P2RX3: variants seen among roughly 807,000 people sequenced by gnomAD.
The protein encoded by P2RX3 is P2X purinoceptor 3.
In P2RX3, 41 loss-of-function variants were observed where a neutral mutation model predicts 51.5. That is an observed-to-expected ratio of 0.80 (90% confidence interval 0.62 to 1.03). The LOEUF is 1.03. Among genes scored for constraint, P2RX3 ranks in the 50% least tolerant of loss-of-function variants. P2RX3 has a pLI of 0.00. For synonymous variants in P2RX3, 185 were observed against 191.6 expected (o/e 0.97, Z 0.29); for missense variants, 459 against 522.1 (o/e 0.88, Z 1.18).
chr11:57,363,987 A>G (rs773052671), intron 8 of P2RX3, among the ~76,000 whole-genome samples: 2 of 152,212 alleles, frequency 1.3e-5, no homozygotes, highest in Non-Finnish European at 2.9e-5. Flanking sequence ...TGTTCCCTTC[A>G]CATTCCTTCC....
intron 8 of P2RX3, 40 bp downstream of exon 8, chr11:57,350,938 C>T (rs376638991): frequency 1.9e-6 from 3 of 1,613,262 alleles, no homozygotes; most frequent in African/African-American, 2.7e-5. Flanking sequence ...GAAGAAGGTG[C>T]GGGCTGTTAA....
intron 8 of P2RX3, among the ~76,000 whole-genome samples, chr11:57,359,924 A>G (rs1347115088): frequency 2.0e-5 from 3 of 152,178 alleles, no homozygotes; most frequent in Non-Finnish European, 4.4e-5. Context: ...TTCACATTCC[A>G]TAGTCATTTA....
intron 8 of P2RX3, among the ~76,000 whole-genome samples, chr11:57,355,005 AGAGCTGT>A (rs1197342113): frequency 6.6e-6 from 1 of 152,234 alleles, no homozygotes; most frequent in African/African-American, 2.4e-5. Context: ...GGAGACGGAC[AGAGCTGT>A]GAGCAGAGGA....
intron 3 of P2RX3, 97 bp from the exon 4 acceptor site, chr11:57,347,318 C>T (rs1415805098): frequency 2.0e-6 from 3 of 1,482,960 alleles, no homozygotes; most frequent in East Asian, 2.4e-5. Context: ...GACCTCCACC[C>T]TCCTGAGGCT....
chr11:57,365,291 A>C (rs1856781618), intron 8 of P2RX3, among the ~76,000 whole-genome samples: 1 of 152,234 alleles, frequency 6.6e-6, no homozygotes, highest in Non-Finnish European at 1.5e-5. Flanking sequence ...TAACCAGGCC[A>C]GTGAAGGGCC....
chr11:57,362,851 G>A lies in P2RX3; in HGVS notation c.843-5158G>A, dbSNP rs113058675. 7.2e-3 allele frequency among the ~76,000 whole-genome samples: 1,093 copies of A among 152,228 alleles called. 16 individuals are homozygous for A. Among genetic ancestry groups the A allele is most frequent in the African/African-American group, 0.024 (1,016 of 41,534 alleles). On this transcript the variant is annotated intron_variant, in intron 8 of 11. Transcript: ENST00000263314. ...AAGCATAAGCACTTAGCACAGTGTC[G>A]GGTCACAGAGGAGTACTCAGTAGAT... is the stretch of plus-strand genomic sequence containing the variant.
At chr11:57,368,137 G>T in intron 9 of P2RX3, 35 bp downstream of exon 9, 1 of 1,592,278 alleles carries the variant, frequency 6.3e-7, no homozygotes, top group South Asian at 1.1e-5. Flanking sequence ...GGGTGGACAG[G>T]GGAGGCAGCC....
intron 8 of P2RX3, among the ~76,000 whole-genome samples, chr11:57,362,514 G>A (rs144093947): frequency 6.6e-6 from 1 of 152,188 alleles, no homozygotes; most frequent in Non-Finnish European, 1.5e-5. Context: ...CAGGCTTCCT[G>A]TTCTGCTCCC....
chr11:57,349,434 C>G (rs34717493), intron 6 of P2RX3, among the ~76,000 whole-genome samples: 130 of 152,070 alleles, frequency 8.5e-4, no homozygotes, highest in African/African-American at 3.1e-3. Context: ...CCACCGCGCT[C>G]CAGCCTGGGC....
upstream of P2RX3, among the ~76,000 whole-genome samples, chr11:57,337,292 A>C (rs1856242961): frequency 7.4e-6 from 1 of 135,170 alleles, no homozygotes; most frequent in Non-Finnish European, 1.6e-5. Context: ...ACTCTGTCAA[A>C]AAAAAAAAAA....
chr11:57,340,288 C>G (rs558688434), intron 1 of P2RX3, among the ~76,000 whole-genome samples: 1 of 152,362 alleles, frequency 6.6e-6, no homozygotes, highest in African/African-American at 2.4e-5. Flanking sequence ...CGCTCAGCCC[C>G]CACTGCCCTT....
chr11:57,358,788 A>C (rs2134436508), intron 8 of P2RX3, among the ~76,000 whole-genome samples: 1 of 152,340 alleles, frequency 6.6e-6, no homozygotes, highest in South Asian at 2.1e-4. Context: ...CCTGCCCTGC[A>C]GAAGCGCATC....
At position 57,347,479 on chromosome 11, in the gene P2RX3, G is replaced by T. The variant is rs1159603088; in HGVS notation, c.391+1G>T. On this transcript the variant is annotated splice_donor_variant, in intron 4 of 11. Transcript: ENST00000263314. LOFTEE classifies it high-confidence loss of function. ...GGGCCTGAGCGCTTGCCAGGTGGGG[G>T]TGAGTCCAGCCCCTTACCCACCCCA... 1 of 1,555,022 alleles carries T rather than the reference G, an allele frequency of 6.4e-7. No individual in the cohort carries two copies. Among genetic ancestry groups the T allele is most frequent in the East Asian group, 2.4e-5 (1 of 41,204 alleles).
chr11:57,356,928 C>G (rs1016396923), intron 8 of P2RX3, among the ~76,000 whole-genome samples: 3 of 152,164 alleles, frequency 2.0e-5, no homozygotes, highest in Non-Finnish European at 4.4e-5. Context: ...CAGTATTATT[C>G]ATAGAAAATA....
chr11:57,358,950 T>A (rs1340027711), intron 8 of P2RX3, among the ~76,000 whole-genome samples: 2 of 152,140 alleles, frequency 1.3e-5, no homozygotes, highest in African/African-American at 4.8e-5. Flanking sequence ...ATCATTCGAT[T>A]GAGTCCTGTG....
chr11:57,343,606 G>A (rs890719771), intron 1 of P2RX3, among the ~76,000 whole-genome samples: 2 of 152,144 alleles, frequency 1.3e-5, no homozygotes, highest in African/African-American at 2.4e-5. Flanking sequence ...TGAAAGATTC[G>A]GCTTAGCAAG....
intron 8 of P2RX3, among the ~76,000 whole-genome samples, chr11:57,362,900 T>C (rs1164348661): frequency 6.6e-6 from 1 of 152,186 alleles, no homozygotes; most frequent in East Asian, 1.9e-4. Flanking sequence ...ATTACTAATA[T>C]CATTATCTAC....
chr11:57,348,392 G>T (rs971613858), intron 5 of P2RX3, 129 bp downstream of exon 5: 22 of 934,240 alleles, frequency 2.4e-5, no homozygotes, highest in Non-Finnish European at 2.7e-5. Flanking sequence ...TTCCTGGTGT[G>T]GGGGGTGGCC....
intron 1 of P2RX3, among the ~76,000 whole-genome samples, chr11:57,339,561 C>A (rs1359564423): frequency 6.6e-6 from 1 of 152,106 alleles, no homozygotes; most frequent in African/African-American, 2.4e-5. Flanking sequence ...GTGGAGCAGA[C>A]AATGGCTGGG....
Sources: gnomAD v4.1 joint callset for allele counts (sites outside exome capture counted in the v4.1 genomes callset) on GRCh38, gnomAD v4.1.1 for gene constraint, MANE v1.5 for transcripts, NCBI Gene and HGNC (gene_info 2026-07-23, HGNC 2026-07-21) for gene names.